The following FSCB variants were observed in gnomAD, a reference collection of about 807,000 sequenced individuals.
The protein encoded by FSCB is fibrous sheath CABYR-binding protein.
For synonymous variants in FSCB, 331 were observed against 336.6 expected (o/e 0.98, Z 0.18); for missense variants, 975 against 934.8 (o/e 1.04, Z -0.56).
At position 44,505,330 on chromosome 14, in the gene FSCB, T is replaced by C; in HGVS notation, c.1658A>G (p.Glu553Gly). The change falls in exon 1 of 1, where the codon GAA becomes GGA. Residue 553 changes from glutamate to glycine, a missense_variant. Glu to Gly is a moderately conservative substitution (Grantham distance 98). Transcript: ENST00000340446. ...AGACTGAACTTCAGCAGGAGCCTCTTCTGCAGAAGTCTCCTCAGATAGTGG... is the reference window on the plus strand; with the variant it reads ...AGACTGAACTTCAGCAGGAGCCTCTCCTGCAGAAGTCTCCTCAGATAGTGG... ...QSPLSEETSA[E>G]EAPAEVQSPS... 1 of 1,613,192 alleles carries C rather than the reference T, an allele frequency of 6.2e-7. No homozygotes were observed. Among genetic ancestry groups the C allele is most frequent in the Non-Finnish European group, 8.5e-7 (1 of 1,179,986 alleles).
chr14:44,505,289 C>T lies in FSCB; in HGVS notation c.1699G>A (p.Val567Ile), dbSNP rs780467660. The T allele has an allele frequency of 6.2e-7, 1 of 1,611,986 alleles. No individual in the cohort carries two copies. Among genetic ancestry groups the T allele is most frequent in the Non-Finnish European group, 8.5e-7 (1 of 1,179,586 alleles). The change falls in exon 1 of 1, where the codon GTT becomes ATT. Residue 567 changes from valine to isoleucine, a missense_variant. Physicochemically the swap from Val to Ile is conservative, Grantham distance 29. Coordinates refer to ENST00000340446, the MANE Select transcript of FSCB (RefSeq NM_032135.4). ...AEVQSPSAKG[V>I]SIEEAPLELQ... The stretch of plus-strand genomic sequence containing the variant: ...TCAAGAGGGGCCTCTTCTATAGAAA[C>T]TCCCTTAGCTGATGGAGACTGAACT...
At position 44,504,874 on chromosome 14, in the gene FSCB, T is replaced by C. The variant is rs763667921; in HGVS notation, c.2114A>G (p.Asp705Gly). 2 of 1,614,128 alleles carry C rather than the reference T, an allele frequency of 1.2e-6. No homozygotes were observed. Among genetic ancestry groups the C allele is most frequent in the South Asian group, 2.2e-5 (2 of 91,084 alleles). ...GGAGGCCTCTTCTGCAGGGACATCA[T>C]CAGCTGGGGGAGAGTGTACTGCAGC... is the stretch of plus-strand genomic sequence containing the variant. ...TLAAVHSPPADDVPAEEASVD... is the reference protein window; with the variant it reads ...TLAAVHSPPAGDVPAEEASVD... Residue 705 changes from aspartate (D) to glycine (G), a missense_variant, in exon 1 of 1, where the codon GAT (aspartate) becomes GGT (glycine). Transcript: ENST00000340446.
chr14:44,505,580 C>T lies in FSCB; in HGVS notation c.1408G>A (p.Ala470Thr), dbSNP rs764546354. Reference protein sequence around the residue: ...PLPKETTAEEASAEIQLLAAT... With the variant: ...PLPKETTAEETSAEIQLLAAT... ...GCTAGAAGCTGAATTTCAGCAGAGGCCTCTTCTGCAGTGGTCTCTTTAGGT... is the reference window on the plus strand; with the variant it reads ...GCTAGAAGCTGAATTTCAGCAGAGGTCTCTTCTGCAGTGGTCTCTTTAGGT... Residue 470 changes from alanine (A) to threonine (T), a missense_variant, in exon 1 of 1, where the codon GCC becomes ACC. Physicochemically the swap from Ala to Thr is moderately conservative, Grantham distance 58. Transcript: ENST00000340446. 2 of 1,612,858 alleles carry T rather than the reference C, an allele frequency of 1.2e-6. No homozygotes were observed. The highest frequency in any genetic ancestry group is 1.1e-5 in the South Asian group (1 of 90,966).
chr14:44,506,804 T>A, the FSCB span: 34 of 1,614,118 alleles, frequency 2.1e-5, no homozygotes, highest in Non-Finnish European at 2.9e-5. Flanking sequence ...CCATGCTTTC[T>A]CTTTGTCCAA....
chr14:44,505,670 G>A lies in FSCB; in HGVS notation c.1318C>T (p.Leu440Phe). 6.2e-7 allele frequency: 1 copy of A among 1,613,440 alleles called. No homozygotes were observed. Among genetic ancestry groups the A allele is most frequent in the Non-Finnish European group, 8.5e-7 (1 of 1,179,946 alleles). ...EEAPREEARE[L>F]QLSTAMETPA... The stretch of plus-strand genomic sequence containing the variant: ...GTCTCCATAGCTGTTGAAAGCTGAA[G>A]TTCTCGAGCCTCTTCTCTAGGAGCC... The change falls in exon 1 of 1, where the codon CTT (leucine) becomes TTT (phenylalanine). Residue 440 changes from leucine to phenylalanine, a missense_variant. Leu to Phe is a conservative substitution (Grantham distance 22). Coordinates refer to ENST00000340446, the MANE Select transcript of FSCB (RefSeq NM_032135.4).
chr14:44,506,739 T>G lies in FSCB; in HGVS notation c.249A>C (p.Lys83Asn). 1 of 1,614,200 alleles carries G rather than the reference T, an allele frequency of 6.2e-7. No homozygotes were observed. The highest frequency in any genetic ancestry group is 8.5e-7 in the Non-Finnish European group (1 of 1,180,030). Residue 83 changes from lysine (K) to asparagine (N), a missense_variant, in exon 1 of 1, where the codon AAA (lysine) becomes AAC (asparagine). By Grantham distance (94) the Lys-to-Asn change is moderately conservative. Coordinates refer to ENST00000340446, the MANE Select transcript of FSCB (RefSeq NM_032135.4). ...CGGTTTCCTCAACTAACTTGACTTC[T>G]TTTTTCTCTTCTACAATGGTGTCTG... ...LQTDTIVEEK[K>N]EVKLVEETVV... is the part of the protein sequence containing the mutation.
At position 44,505,604 on chromosome 14, in the gene FSCB, G is replaced by A. The variant is rs779908422; in HGVS notation, c.1384C>T (p.Pro462Ser). The A allele has an allele frequency of 6.6e-5, 106 of 1,612,732 alleles. 1 individual carries two copies. In the South Asian group the frequency reaches 8.9e-4, roughly 14 times the overall value. Residue 462 changes from proline (P) to serine (S), a missense_variant, in exon 1 of 1, where the codon CCT (proline) becomes TCT (serine). Physicochemically the swap from Pro to Ser is moderately conservative, Grantham distance 74. Coordinates refer to ENST00000340446, the MANE Select transcript of FSCB (RefSeq NM_032135.4). ...GCCTCTTCTGCAGTGGTCTCTTTAG[G>A]TAATGGAGACTGAAATTCAGTAGGA... ...EAPTEFQSPL[P>S]KETTAEEASA...
chr14:44,506,919 A>C lies in FSCB; in HGVS notation c.69T>G (p.Ser23=), dbSNP rs1156795664. The change falls in exon 1 of 1, where the codon TCT becomes TCG. Residue 23 remains serine (S), a synonymous_variant. Coordinates refer to ENST00000340446, the MANE Select transcript of FSCB (RefSeq NM_032135.4). The stretch of plus-strand genomic sequence containing the variant: ...CAATACGATGGGTAGCTTTGGGGCT[A>C]GATGATTTTGGTATGGCCATGTGTT... ...KKKHMAIPKS[S]SPKATHRIGN... 1 of 1,610,586 alleles carries C rather than the reference A, an allele frequency of 6.2e-7. No homozygotes were observed. The highest frequency in any genetic ancestry group is 8.5e-7 in the Non-Finnish European group (1 of 1,177,432).
chr14:44,506,180 G>C lies in FSCB; in HGVS notation c.808C>G (p.Gln270Glu), dbSNP rs1881078173. Residue 270 changes from glutamine (Q) to glutamate (E), a missense_variant, in exon 1 of 1, where the codon CAG becomes GAG. Physicochemically the swap from Gln to Glu is conservative, Grantham distance 29. Coordinates refer to ENST00000340446, the MANE Select transcript of FSCB (RefSeq NM_032135.4). ...PSTEKFPAKI[Q>E]PPLVEEATAK... is the part of the protein sequence containing the mutation. ...GTGGCCTCTTCAACTAATGGAGGCT[G>C]TATTTTAGCTGGGAATTTTTCTGTT... 1 of 1,614,022 alleles carries C rather than the reference G, an allele frequency of 6.2e-7. No individual in the cohort carries two copies. The highest frequency in any genetic ancestry group is 2.2e-5 in the East Asian group (1 of 44,888).
rs1196092614 is a variant in FSCB at position 44,506,016 on chromosome 14, G to A, written c.972C>T (p.Ala324=). The change falls in exon 1 of 1, where the codon GCC becomes GCT. Residue 324 remains alanine (A), a synonymous_variant. Coordinates refer to ENST00000340446, the MANE Select transcript of FSCB (RefSeq NM_032135.4). ...VKVQPPPAEE[A]PLVEFPAEIQ... ...TTTCAGCAGGAAACTCCACTAAAGG[G>A]GCCTCTTCAGCAGGTGGAGGCTGAA... 3 of 1,614,040 alleles carry A rather than the reference G, an allele frequency of 1.9e-6. No individual in the cohort carries two copies. Among genetic ancestry groups the A allele is most frequent in the Admixed American group, 3.3e-5 (2 of 60,006 alleles).
In FSCB at chr14:44,505,642, G is replaced by T. The variant is rs2138676244; in HGVS notation, c.1346C>A (p.Pro449His). Residue 449 changes from proline (P) to histidine (H), a missense_variant, in exon 1 of 1, where the codon CCT becomes CAT. Physicochemically the swap from Pro to His is moderately conservative, Grantham distance 77. Coordinates refer to ENST00000340446, the MANE Select transcript of FSCB (RefSeq NM_032135.4). ...AAATTCAGTAGGAGCCTCTTCTGCA[G>T]GGGTCTCCATAGCTGTTGAAAGCTG... is the stretch of plus-strand genomic sequence containing the variant. ...ELQLSTAMET[P>H]AEEAPTEFQS... 1 of 1,613,540 alleles carries T rather than the reference G, an allele frequency of 6.2e-7. No individual in the cohort carries two copies. Among genetic ancestry groups the T allele is most frequent in the African/African-American group, 1.3e-5 (1 of 75,014 alleles).
Position 44,507,248 on chromosome 14 carries a change from A to G in FSCB, c.-261T>C, listed in dbSNP as rs1033974862. The G allele has an allele frequency of 1.7e-5, 6 of 360,102 alleles. No individual in the cohort carries two copies. Among genetic ancestry groups the G allele is most frequent in the Non-Finnish European group, 2.6e-5 (5 of 192,948 alleles). 22.3% of individuals were successfully genotyped at this position (360,102 alleles called of 1,614,324 possible). A position where few individuals can be genotyped will look rare whatever the true frequency, so the allele number is the denominator to read the frequency against. On this transcript the variant is annotated 5_prime_UTR_variant, in exon 1 of 1. Coordinates refer to ENST00000340446, the MANE Select transcript of FSCB (RefSeq NM_032135.4). ...ACTCTTGTTGGATCCCACCTTATTC[A>G]GTAAGCGTCTTTCTTCTTTAGTCTC...
rs564994338 is a variant in FSCB, at chr14:44,505,159, A to T, written c.1829T>A (p.Val610Asp). The T allele has an allele frequency of 2.0e-5, 32 of 1,610,126 alleles. No individual in the cohort carries two copies. The highest frequency in any genetic ancestry group is 2.5e-5 in the Non-Finnish European group (30 of 1,179,486). Residue 610 changes from valine to aspartate, a missense_variant, in exon 1 of 1, where the codon GTT becomes GAT. Coordinates refer to ENST00000340446, the MANE Select transcript of FSCB (RefSeq NM_032135.4). ...GGCCTCCTCAGCTGGTGGAGGCTGA[A>T]CTTCAGCAGGAGCCTCTTCTGCAGA... ...EASAEEAPAE[V>D]QPPPAEEAPA... is the part of the protein sequence containing the mutation.
the FSCB span, chr14:44,506,568 C>T: frequency 4.1e-4 from 664 of 1,614,122 alleles, 4 homozygotes; most frequent in African/African-American, 8.2e-3. Flanking sequence ...TCATCATGGT[C>T]CAGTATCCTG....
Position 44,504,755 on chromosome 14 carries a change from G to T in FSCB, c.2233C>A (p.Gln745Lys). 1 of 1,614,208 alleles carries T rather than the reference G, an allele frequency of 6.2e-7. No homozygotes were observed. The change falls in exon 1 of 1, where the codon CAA becomes AAA. Residue 745 changes from glutamine (Q) to lysine (K), a missense_variant. By Grantham distance (53) the Gln-to-Lys change is moderately conservative. Coordinates refer to ENST00000340446, the MANE Select transcript of FSCB (RefSeq NM_032135.4). Reference sequence around the variant, plus strand: ...ACCAGAGCCTCATCTTCAGGGGTTTGTTCAGATGGTGGAGGTGAAACTTCA... The same window carrying T: ...ACCAGAGCCTCATCTTCAGGGGTTTTTTCAGATGGTGGAGGTGAAACTTCA... ...SAEVSPPPSE[Q>K]TPEDEALVEN...
rs1881115155 is a variant in FSCB, at chr14:44,507,098, A to C, written c.-111T>G. 3.4e-6 allele frequency: 3 copies of C among 869,972 alleles called. No homozygotes were observed. The Admixed American group carries it at 7.8e-5, about 23-fold the overall frequency. The allele number at this position is 869,972 out of a possible 1,614,324, so 53.9% of individuals were successfully genotyped here. A position where few individuals can be genotyped will look rare whatever the true frequency, so the allele number is the denominator to read the frequency against. On this transcript the variant is annotated 5_prime_UTR_variant, in exon 1 of 1. Transcript: ENST00000340446. ...AAGAGTAGTGATTTCAAACTTATTA[A>C]TTTTCAAGTAATGACCAAAAATCAC...
In FSCB at chr14:44,506,759, T is replaced by G; in HGVS notation, c.229A>C (p.Thr77Pro). ...EMTSKSLQTD[T>P]IVEEKKEVKL... is the part of the protein sequence containing the mutation. ...ACTTCTTTTTTCTCTTCTACAATGG[T>G]GTCTGTCTGGAGAGACTTACTAGTC... The change falls in exon 1 of 1, where the codon ACC becomes CCC. Residue 77 changes from threonine (T) to proline (P), a missense_variant. Physicochemically the swap from Thr to Pro is conservative, Grantham distance 38. Transcript: ENST00000340446. The G allele has an allele frequency of 6.2e-7, 1 of 1,614,190 alleles. No homozygotes were observed. Among genetic ancestry groups the G allele is most frequent in the South Asian group, 1.1e-5 (1 of 91,082 alleles).
rs376229577 is a variant in FSCB at position 44,506,312 on chromosome 14, G to C, written c.676C>G (p.Pro226Ala). ...TSFTQETKKG[P>A]PVLLEDELRE... is the part of the protein sequence containing the mutation. ...AGCTCATCTTCTAAAAGTACCGGGG[G>C]ACCTTTTTTAGTCTCCTGAGTAAAT... The change falls in exon 1 of 1, where the codon CCC (proline) becomes GCC (alanine). Residue 226 changes from proline (P) to alanine (A), a missense_variant. Pro to Ala is a conservative substitution (Grantham distance 27). Coordinates refer to ENST00000340446, the MANE Select transcript of FSCB (RefSeq NM_032135.4). 4 of 1,613,902 alleles carry C rather than the reference G, an allele frequency of 2.5e-6. No homozygotes were observed. The highest frequency in any genetic ancestry group is 3.4e-6 in the Non-Finnish European group (4 of 1,179,952).
At chr14:44,506,559 CATCATGGTCCAGT>C in the FSCB span, 1 of 1,614,124 alleles carries the variant, frequency 6.2e-7, no homozygotes, top group Non-Finnish European at 8.5e-7. Flanking sequence ...GGGGGATGTT[CATCATGGTCCAGT>C]ATCCTGTACG....
Sources: allele counts gnomAD v4.1 joint callset, GRCh38; gene constraint gnomAD v4.1.1; transcripts MANE v1.5; gene names NCBI Gene and HGNC (gene_info 2026-07-23, HGNC 2026-07-21).